Variants in EFNA5 observed in about 807,000 individuals in gnomAD.
The protein encoded by EFNA5 is ephrin-A5.
In EFNA5, 5 loss-of-function variants were observed where a neutral mutation model predicts 22.9. That is an observed-to-expected ratio of 0.22 (90% CI 0.11 to 0.46). EFNA5 has a LOEUF of 0.46. Among genes scored for constraint, EFNA5 ranks in the 20% least tolerant of loss-of-function variants. EFNA5 has a pLI of 0.99. For synonymous variants in EFNA5, 113 were observed against 112.2 expected (o/e 1.01, Z -0.04); for missense variants, 237 against 293.3 (o/e 0.81, Z 1.40).
intron 1 of EFNA5, among the ~76,000 whole-genome samples, chr5:107,488,039 A>C (rs1322520865): frequency 6.6e-6 from 1 of 152,198 alleles, no homozygotes; most frequent in Non-Finnish European, 1.5e-5. Flanking sequence ...TAGGGTCTCT[A>C]ATATCAATTA....
chr5:107,616,046 A>C (rs958746851), intron 1 of EFNA5, among the ~76,000 whole-genome samples: 1 of 152,190 alleles, frequency 6.6e-6, no homozygotes, highest in African/African-American at 2.4e-5. Context: ...AGACAGAAAA[A>C]CTATGTTTGG....
At chr5:107,435,455 T>C (rs577782102) in intron 1 of EFNA5, among the ~76,000 whole-genome samples, 4 of 152,204 alleles carry the variant, frequency 2.6e-5, no homozygotes, top group Non-Finnish European at 5.9e-5. Flanking sequence ...TAAATTTCTC[T>C]TCTCTCTCAT....
At chr5:107,665,262 A>G (rs1395445936) in intron 1 of EFNA5, among the ~76,000 whole-genome samples, 6 of 152,222 alleles carry the variant, frequency 3.9e-5, no homozygotes, top group African/African-American at 1.4e-4. Context: ...GGAGGCGCCC[A>G]TCTTTATGTC....
At chr5:107,596,549 G>A (rs181012193) in intron 1 of EFNA5, among the ~76,000 whole-genome samples, 261 of 152,220 alleles carry the variant, frequency 1.7e-3, no homozygotes, top group African/African-American at 6.1e-3. Context: ...TCTCTTAGCT[G>A]TTGTGAATAA....
chr5:107,493,176 T>C (rs1487361491), intron 1 of EFNA5, among the ~76,000 whole-genome samples: 1 of 152,040 alleles, frequency 6.6e-6, no homozygotes, highest in Non-Finnish European at 1.5e-5. Flanking sequence ...ATTTGTTCAC[T>C]TTCTAGAGCA....
intron 1 of EFNA5, among the ~76,000 whole-genome samples, chr5:107,641,037 CAGAT>C (rs59357736): frequency 0.17 from 25,689 of 148,488 alleles, 2,577 homozygotes; most frequent in Non-Finnish European, 0.23. Context: ...GACAGACAGA[CAGAT>C]AGATAGATAG....
At chr5:107,592,970 A>G (rs1273829688) in intron 1 of EFNA5, among the ~76,000 whole-genome samples, 1 of 152,176 alleles carries the variant, frequency 6.6e-6, no homozygotes, top group Non-Finnish European at 1.5e-5. Flanking sequence ...ATGAGGCAAA[A>G]TCTGTCAAAT....
At chr5:107,533,397 C>T (rs907324200) in intron 1 of EFNA5, among the ~76,000 whole-genome samples, 4 of 152,168 alleles carry the variant, frequency 2.6e-5, no homozygotes, top group African/African-American at 9.7e-5. Context: ...CTCCCCCATA[C>T]AGGCCACAAG....
At chr5:107,426,267 A>G (rs1748807884) in intron 2 of EFNA5, among the ~76,000 whole-genome samples, 1 of 152,236 alleles carries the variant, frequency 6.6e-6, no homozygotes, top group Non-Finnish European at 1.5e-5. Flanking sequence ...AAGGCCAGAT[A>G]GTTTAAATAT....
At chr5:107,432,030 C>A (rs1281457334) in intron 1 of EFNA5, among the ~76,000 whole-genome samples, 1 of 152,170 alleles carries the variant, frequency 6.6e-6, no homozygotes, top group Non-Finnish European at 1.5e-5. Flanking sequence ...GTAGTAACGA[C>A]CCTCTTAAGA....
intron 1 of EFNA5, among the ~76,000 whole-genome samples, chr5:107,505,053 T>C (rs1747221912): frequency 6.6e-6 from 1 of 152,086 alleles, no homozygotes; most frequent in South Asian, 2.1e-4. Flanking sequence ...ACATTAATAA[T>C]AAAGGACAAG....
In EFNA5 at chr5:107,648,355, G is replaced by A. The variant is rs184023883; in HGVS notation, c.125+22134C>T. Among the ~76,000 whole-genome samples, 25 of 152,174 alleles carry A rather than the reference G, an allele frequency of 1.6e-4. No homozygotes were observed. In the East Asian group the frequency reaches 4.6e-3, roughly 28 times the overall value. The stretch of plus-strand genomic sequence containing the variant: ...TTTATGTAACTAAAATACTTATATT[G>A]CATAATTGTTTGCTGAATTAAAATA... On this transcript the variant is annotated intron_variant, in intron 1 of 4. Coordinates refer to ENST00000333274, the MANE Select transcript of EFNA5 (RefSeq NM_001962.3).
chr5:107,407,010 A>G (rs1748242277), intron 2 of EFNA5, among the ~76,000 whole-genome samples: 1 of 152,268 alleles, frequency 6.6e-6, no homozygotes, highest in African/African-American at 2.4e-5. Flanking sequence ...TAAATCAGCT[A>G]TCAAGATGAA....
chr5:107,430,888 T>C (rs1748936465), intron 1 of EFNA5, among the ~76,000 whole-genome samples: 1 of 148,888 alleles, frequency 6.7e-6, no homozygotes, highest in South Asian at 2.2e-4. Flanking sequence ...GCAATTCCCC[T>C]GCCTCAGCCT....
At chr5:107,656,839 A>G (rs1580585583) in intron 1 of EFNA5, among the ~76,000 whole-genome samples, 1 of 152,144 alleles carries the variant, frequency 6.6e-6, no homozygotes, top group East Asian at 1.9e-4. Flanking sequence ...TAGAGCTGAA[A>G]TTTAATTAGC....
chr5:107,586,557 T>G (rs937933190), intron 1 of EFNA5, among the ~76,000 whole-genome samples: 1 of 152,188 alleles, frequency 6.6e-6, no homozygotes, highest in Non-Finnish European at 1.5e-5. Flanking sequence ...CCTAGAGTGC[T>G]TTCACTGGAT....
At chr5:107,614,709 G>A (rs891682392) in intron 1 of EFNA5, among the ~76,000 whole-genome samples, 10 of 152,232 alleles carry the variant, frequency 6.6e-5, no homozygotes, top group African/African-American at 2.4e-4. Flanking sequence ...ACTCCTGGTT[G>A]TGTAACATTT....
intron 1 of EFNA5, among the ~76,000 whole-genome samples, chr5:107,665,990 G>A (rs543703249): frequency 3.9e-5 from 6 of 152,186 alleles, no homozygotes; most frequent in Non-Finnish European, 7.4e-5. Flanking sequence ...AATGTGATAC[G>A]TTACACTGAG....
chr5:107,451,336 C>T lies in EFNA5; in HGVS notation c.126-23827G>A, dbSNP rs1749554884. Among the ~76,000 whole-genome samples the T allele has an allele frequency of 2.0e-5, 3 of 152,262 alleles. No individual in the cohort carries two copies. The Middle Eastern group carries it at 0.01, about 518-fold the overall frequency. On this transcript the variant is annotated intron_variant, in intron 1 of 4. Transcript: ENST00000333274. The stretch of plus-strand genomic sequence containing the variant: ...CGTTGGTTTGTATTAGCTGTCTATG[C>T]ATATGTGTAAAGCAAAAATAAATAA...
Sources: allele counts gnomAD v4.1 joint callset (sites outside exome capture counted in the v4.1 genomes callset), GRCh38; gene constraint gnomAD v4.1.1; transcripts MANE v1.5; gene names NCBI Gene and HGNC (gene_info 2026-07-23, HGNC 2026-07-21).